The following CREB5 variants were observed in gnomAD, a reference collection of about 807,000 sequenced individuals.
CREB5 encodes cyclic AMP-responsive element-binding protein 5.
Under a neutral mutation model 57.1 loss-of-function variants are expected in CREB5, and 19 were observed. The observed-to-expected ratio is 0.33, with a 90% confidence interval of 0.23 to 0.49. The LOEUF (loss-of-function observed/expected upper bound fraction) is 0.49, where lower values mean the gene tolerates loss of function less well. Among genes scored for constraint, CREB5 ranks in the 20% least tolerant of loss-of-function variants. The pLI is 0.99. For missense variants in CREB5, 579 were observed against 671.6 expected, an observed-to-expected ratio of 0.86 and a Z score of 1.52; for synonymous variants, 238 against 238.3, an observed-to-expected ratio of 1.00 and a Z score of 0.01.
At position 28,487,597 on chromosome 7, in the gene CREB5, G is replaced by A. The variant is rs1487624268; in HGVS notation, c.4-578G>A. ...CAAATGCCTGAGATAAGAGGGAATTGAGGACCACGGTTCGCCACCAGAATC... is the reference window on the plus strand; with the variant it reads ...CAAATGCCTGAGATAAGAGGGAATTAAGGACCACGGTTCGCCACCAGAATC... On this transcript the variant is annotated intron_variant, in intron 1 of 10. Coordinates refer to ENST00000357727, the MANE Select transcript of CREB5 (RefSeq NM_182898.4). Among the ~76,000 whole-genome samples, 3 of 152,198 alleles carry A rather than the reference G, an allele frequency of 2.0e-5. No homozygotes were observed. The East Asian group carries it at 5.8e-4, about 29-fold the overall frequency.
intron 2 of CREB5, among the ~76,000 whole-genome samples, chr7:28,493,735 A>G (rs1791903135): frequency 6.6e-6 from 1 of 152,238 alleles, no homozygotes; most frequent in Admixed American, 6.5e-5. Flanking sequence ...CCATGTGACC[A>G]GAAGTCAGAC....
intron 5 of CREB5, among the ~76,000 whole-genome samples, chr7:28,675,271 G>T (rs1287653996): frequency 6.6e-6 from 1 of 152,112 alleles, no homozygotes; most frequent in Non-Finnish European, 1.5e-5. Flanking sequence ...TTAGAATGCT[G>T]GTTCCCTGAG....
At chr7:28,776,269 C>T (rs1284576437) in intron 7 of CREB5, among the ~76,000 whole-genome samples, 2 of 148,208 alleles carry the variant, frequency 1.3e-5, no homozygotes, top group Admixed American at 1.4e-4. Context: ...TCCCGGGAGG[C>T]GGAGCTTACA....
At chr7:28,378,289 C>T (rs1054732317) in intron 1 of CREB5, among the ~76,000 whole-genome samples, 2 of 73,594 alleles carry the variant, frequency 2.7e-5, no homozygotes, top group Admixed American at 1.5e-4. Flanking sequence ...TCACTTTCAA[C>T]TCCTGGGATT....
At chr7:28,665,667 G>A (rs1398819694) in intron 5 of CREB5, among the ~76,000 whole-genome samples, 1 of 152,144 alleles carries the variant, frequency 6.6e-6, no homozygotes, top group East Asian at 1.9e-4. Flanking sequence ...GGGGAACATG[G>A]CTTGAACTGA....
chr7:28,747,151 G>T (rs1021388820), intron 7 of CREB5, among the ~76,000 whole-genome samples: 3 of 151,746 alleles, frequency 2.0e-5, no homozygotes, highest in Non-Finnish European at 2.9e-5. Context: ...TAATATGAGG[G>T]TTGCCAGTGT....
chr7:28,714,172 C>T (rs1802552608), intron 5 of CREB5, among the ~76,000 whole-genome samples: 1 of 152,014 alleles, frequency 6.6e-6, no homozygotes, highest in Non-Finnish European at 1.5e-5. Flanking sequence ...TCCATGTTAC[C>T]TAGGCTGGTC....
intron 1 of CREB5, among the ~76,000 whole-genome samples, chr7:28,438,934 C>A (rs1454375997): frequency 6.6e-6 from 1 of 152,170 alleles, no homozygotes; most frequent in African/African-American, 2.4e-5. Flanking sequence ...AGAGATACTT[C>A]TAAAACTTGG....
intron 1 of CREB5, among the ~76,000 whole-genome samples, chr7:28,393,326 C>T (rs77262036): frequency 0.011 from 1,702 of 152,314 alleles, 32 homozygotes; most frequent in African/African-American, 0.038. Flanking sequence ...CACAAAGCAG[C>T]GAGCTAAAGG....
At chr7:28,369,905 C>T (rs939346548) in intron 1 of CREB5, among the ~76,000 whole-genome samples, 4 of 152,116 alleles carry the variant, frequency 2.6e-5, no homozygotes, top group African/African-American at 9.7e-5. Context: ...TACGTGAATC[C>T]CTGGCTCATG....
intron 7 of CREB5, among the ~76,000 whole-genome samples, chr7:28,774,725 C>T (rs1319806419): frequency 6.6e-6 from 1 of 152,208 alleles, no homozygotes; most frequent in Non-Finnish European, 1.5e-5. Flanking sequence ...TAGAATGTTA[C>T]TCAAGTGACA....
At chr7:28,685,558 G>T (rs898077272) in intron 5 of CREB5, among the ~76,000 whole-genome samples, 3 of 151,958 alleles carry the variant, frequency 2.0e-5, no homozygotes, top group Admixed American at 6.6e-5. Flanking sequence ...GCTAACTGAG[G>T]TTAGTTTTTC....
chr7:28,661,649 A>T (rs1799617175), intron 5 of CREB5, among the ~76,000 whole-genome samples: 1 of 152,214 alleles, frequency 6.6e-6, no homozygotes, highest in Non-Finnish European at 1.5e-5. Context: ...CACAGAGTTC[A>T]GGAAAGCTCT....
chr7:28,811,646 T>C (rs914702932), intron 9 of CREB5, among the ~76,000 whole-genome samples: 1 of 152,174 alleles, frequency 6.6e-6, no homozygotes, highest in African/African-American at 2.4e-5. Flanking sequence ...GTTGGGATTA[T>C]AGGTGTGAGC....
At chr7:28,590,838 A>G (rs994095762) in intron 5 of CREB5, among the ~76,000 whole-genome samples, 4 of 152,108 alleles carry the variant, frequency 2.6e-5, no homozygotes, top group African/African-American at 9.7e-5. Context: ...TGATGATGCC[A>G]TAAGAACAGA....
intron 4 of CREB5, among the ~76,000 whole-genome samples, chr7:28,560,928 G>C (rs1795185687): frequency 1.4e-5 from 1 of 69,000 alleles, no homozygotes; most frequent in African/African-American, 7.1e-5. Context: ...GTGTGCGCGT[G>C]CGTGTGTGCG....
intron 5 of CREB5, among the ~76,000 whole-genome samples, chr7:28,644,090 G>A (rs1400480096): frequency 6.7e-6 from 1 of 150,196 alleles, no homozygotes; most frequent in East Asian, 2.0e-4. Context: ...AGAAAGAAAA[G>A]GAAGGAAGGG....
intron 1 of CREB5, among the ~76,000 whole-genome samples, chr7:28,327,026 G>A (rs1470931983): frequency 3.3e-5 from 5 of 151,804 alleles, no homozygotes; most frequent in Non-Finnish European, 7.4e-5. Context: ...GCAGATGCCT[G>A]TAATCCCAGC....
At position 28,776,091 on chromosome 7, in the gene CREB5, G is replaced by A. The variant is rs575543039; in HGVS notation, c.703-28108G>A. On this transcript the variant is annotated intron_variant, in intron 7 of 10. Coordinates refer to ENST00000357727, the MANE Select transcript of CREB5 (RefSeq NM_182898.4). The stretch of plus-strand genomic sequence containing the variant: ...AGTGGCTCACGCCTGTAATCTCAGC[G>A]CTTTGGGAGGCCGAGGCGGGCGGAT... Among the ~76,000 whole-genome samples, 142 of 151,994 alleles carry A rather than the reference G, an allele frequency of 9.3e-4. 1 individual carries two copies. The highest frequency in any genetic ancestry group is 3.1e-3 in the African/African-American group (130 of 41,458).
Sources: allele counts gnomAD v4.1 joint callset (sites outside exome capture counted in the v4.1 genomes callset), GRCh38; gene constraint gnomAD v4.1.1; transcripts MANE v1.5; gene names NCBI Gene and HGNC (gene_info 2026-07-23, HGNC 2026-07-21).